The following AGBL4 variants were observed in gnomAD, a reference collection of about 807,000 sequenced individuals.
The protein encoded by AGBL4 is cytosolic carboxypeptidase 6.
A neutral mutation model predicts 66.4 loss-of-function variants in AGBL4; 58 were observed. The ratio of observed to expected loss-of-function variants is 0.87; its 90% CI spans 0.71 to 1.09. AGBL4 has a LOEUF of 1.09. AGBL4 is among the 50% of genes least tolerant of loss of function. The pLI, the probability that AGBL4 is intolerant of heterozygous loss-of-function variation, is 0.00. For synonymous variants in AGBL4, 234 were observed against 222.9 expected (o/e 1.05, Z -0.44); for missense variants, 579 against 631.0 (o/e 0.92, Z 0.88).
intron 1 of AGBL4, among the ~76,000 whole-genome samples, chr1:49,887,143 ATATATATATACATTGTGTG>A (rs1009279391): frequency 1.8e-5 from 2 of 113,846 alleles, no homozygotes; most frequent in African/African-American, 2.6e-5. Context: ...TGTGATATAT[ATATATATATACATTGTGTG>A]TATATATATA....
chr1:49,729,647 T>G (rs1462231183), intron 2 of AGBL4, among the ~76,000 whole-genome samples: 1 of 152,150 alleles, frequency 6.6e-6, no homozygotes, highest in Non-Finnish European at 1.5e-5. Context: ...AAGAAACTGA[T>G]GTCGGAAGAC....
At chr1:48,935,787 A>T (rs980995069) in intron 5 of AGBL4, among the ~76,000 whole-genome samples, 6 of 149,334 alleles carry the variant, frequency 4.0e-5, no homozygotes, top group Non-Finnish European at 7.4e-5. Flanking sequence ...GTGAAACGCC[A>T]TCTCTACTAA....
At chr1:49,850,581 C>A (rs1460890023) in intron 2 of AGBL4, among the ~76,000 whole-genome samples, 1 of 152,040 alleles carries the variant, frequency 6.6e-6, no homozygotes, top group African/African-American at 2.4e-5. Flanking sequence ...AAGAGCAACA[C>A]CCTGCATAAA....
chr1:49,859,947 A>G (rs1400099062), intron 1 of AGBL4, among the ~76,000 whole-genome samples: 1 of 152,206 alleles, frequency 6.6e-6, no homozygotes, highest in Non-Finnish European at 1.5e-5. Flanking sequence ...ATTAGCAATA[A>G]GCAATTGTAA....
At chr1:49,758,479 C>G (rs565442608) in intron 2 of AGBL4, among the ~76,000 whole-genome samples, 1 of 152,166 alleles carries the variant, frequency 6.6e-6, no homozygotes, top group East Asian at 1.9e-4. Context: ...CAATGCCAGC[C>G]TATGAAGGAA....
At chr1:49,320,466 C>A (rs750934417) in intron 3 of AGBL4, among the ~76,000 whole-genome samples, 54 of 152,106 alleles carry the variant, frequency 3.6e-4, no homozygotes, top group South Asian at 1.2e-3. Flanking sequence ...ATGACTTTTA[C>A]ATCTAATTCA....
intron 5 of AGBL4, among the ~76,000 whole-genome samples, chr1:49,026,340 T>C (rs1382371000): frequency 6.6e-6 from 1 of 152,150 alleles, no homozygotes; most frequent in Non-Finnish European, 1.5e-5. Context: ...AAAAGAACTC[T>C]GAAAGCAAAT....
intron 3 of AGBL4, among the ~76,000 whole-genome samples, chr1:49,634,746 G>C (rs934189150): frequency 2.6e-5 from 4 of 152,100 alleles, no homozygotes; most frequent in Non-Finnish European, 5.9e-5. Context: ...ACTTTTTAAT[G>C]ATTGCCATTC....
chr1:49,418,513 A>C (rs1645476867), intron 3 of AGBL4, among the ~76,000 whole-genome samples: 1 of 152,248 alleles, frequency 6.6e-6, no homozygotes, highest in Non-Finnish European at 1.5e-5. Flanking sequence ...GAATGGACTA[A>C]GTAGTAAAAG....
intron 4 of AGBL4, among the ~76,000 whole-genome samples, chr1:49,177,931 G>A (rs955613351): frequency 2.0e-5 from 3 of 152,070 alleles, no homozygotes; most frequent in Non-Finnish European, 4.4e-5. Context: ...CAAAACTTTG[G>A]ACCTACAGCA....
intron 3 of AGBL4, among the ~76,000 whole-genome samples, chr1:49,548,377 T>C (rs1415522861): frequency 1.3e-5 from 2 of 152,134 alleles, no homozygotes; most frequent in Non-Finnish European, 1.5e-5. Context: ...CCTTGTCTTG[T>C]TCCAGAGGGA....
intron 3 of AGBL4, among the ~76,000 whole-genome samples, chr1:49,493,451 T>A (rs998646848): frequency 6.6e-5 from 10 of 152,062 alleles, no homozygotes; most frequent in African/African-American, 1.7e-4. Context: ...TAGCCAGGAT[T>A]CTGCCAGAAA....
intron 7 of AGBL4, among the ~76,000 whole-genome samples, chr1:48,658,742 G>T (rs774477376): frequency 2.6e-5 from 4 of 152,250 alleles, no homozygotes; most frequent in South Asian, 4.2e-4. Flanking sequence ...AAAGCAGAAT[G>T]GGGGAGGAGC....
intron 4 of AGBL4, among the ~76,000 whole-genome samples, chr1:49,199,254 G>A (rs535215494): frequency 2.0e-5 from 3 of 152,128 alleles, no homozygotes; most frequent in Admixed American, 6.5e-5. Context: ...ACCTATAGTT[G>A]TTTAATTTCA....
At chr1:49,044,688 T>TAAGC (rs1447231839) in intron 5 of AGBL4, among the ~76,000 whole-genome samples, 2 of 152,126 alleles carry the variant, frequency 1.3e-5, no homozygotes, top group Admixed American at 6.6e-5. Flanking sequence ...AAATCCACTG[T>TAAGC]AAGCACAGGG....
intron 5 of AGBL4, among the ~76,000 whole-genome samples, chr1:48,950,392 C>G (rs1656874249): frequency 1.3e-5 from 2 of 152,320 alleles, no homozygotes; most frequent in Admixed American, 6.5e-5. Flanking sequence ...GCCACCGCAC[C>G]TGGCCGACCT....
rs553520460 is a variant in AGBL4, at chr1:49,199,895, T to C, written c.377+45875A>G. On this transcript the variant is annotated intron_variant, in intron 4 of 13. Transcript: ENST00000371839. ...TGTTATAAACAGCTATCTCAGTCTATTCCCTTGCTCCTCCTCAGAGCTGCA... is the reference window on the plus strand; with the variant it reads ...TGTTATAAACAGCTATCTCAGTCTACTCCCTTGCTCCTCCTCAGAGCTGCA... 1.2e-4 allele frequency among the ~76,000 whole-genome samples: 18 copies of C among 152,254 alleles called. 1 individual carries two copies. Among genetic ancestry groups the C allele is most frequent in the East Asian group, 9.7e-4 (5 of 5,176 alleles).
chr1:49,692,970 T>C (rs191179953), intron 3 of AGBL4, among the ~76,000 whole-genome samples: 1 of 152,306 alleles, frequency 6.6e-6, no homozygotes, highest in East Asian at 1.9e-4. Context: ...ATAATAACTC[T>C]ATCTGTTTTG....
At chr1:49,740,143 T>C (rs2124744631) in intron 2 of AGBL4, among the ~76,000 whole-genome samples, 1 of 152,226 alleles carries the variant, frequency 6.6e-6, no homozygotes, top group East Asian at 1.9e-4. Flanking sequence ...GTGTGCTGTA[T>C]TCAGGAAACC....
Sources: allele counts gnomAD v4.1 joint callset (sites outside exome capture counted in the v4.1 genomes callset), GRCh38; gene constraint gnomAD v4.1.1; transcripts MANE v1.5; gene names NCBI Gene and HGNC (gene_info 2026-07-23, HGNC 2026-07-21).